The following NKAIN3 variants were observed in gnomAD, a reference collection of about 807,000 sequenced individuals.
NKAIN3 encodes sodium/potassium-transporting ATPase subunit beta-1-interacting protein 3.
Under a neutral mutation model 30.2 loss-of-function variants are expected in NKAIN3, and 25 were observed. The ratio of observed to expected loss-of-function variants is 0.83; its 90% CI spans 0.60 to 1.16. The LOEUF (loss-of-function observed/expected upper bound fraction) is 1.16. Among genes scored for constraint, NKAIN3 ranks in the 50% most tolerant of loss-of-function variants. The pLI is 0.00. For synonymous variants in NKAIN3, 91 were observed against 89.6 expected, an observed-to-expected ratio of 1.02 and a Z score of -0.09; for missense variants, 225 against 254.1, an observed-to-expected ratio of 0.89 and a Z score of 0.78.
At chr8:62,295,841 C>T (rs1297979977) in intron 1 of NKAIN3, among the ~76,000 whole-genome samples, 1 of 152,112 alleles carries the variant, frequency 6.6e-6, no homozygotes, top group Non-Finnish European at 1.5e-5. Context: ...TGAGAAGCTA[C>T]TTTAGACCAG....
intron 1 of NKAIN3, among the ~76,000 whole-genome samples, chr8:62,298,713 A>G (rs1813929082): frequency 6.6e-6 from 1 of 152,158 alleles, no homozygotes; most frequent in African/African-American, 2.4e-5. Flanking sequence ...CTTTTTAAAA[A>G]GAATCTTTCC....
rs143611739 is a variant in NKAIN3 at position 62,765,333 on chromosome 8, T to A, written c.471+18204T>A. Among the ~76,000 whole-genome samples, 101 of 146,112 alleles carry A rather than the reference T, an allele frequency of 6.9e-4. 1 individual carries two copies. In the Middle Eastern group the frequency reaches 0.011, roughly 16 times the overall value. On this transcript the variant is annotated intron_variant, in intron 4 of 6. Transcript: ENST00000623646. ...ACTGGATGAAAAACAAATACGGAAA[T>A]CAGAGCATGAGTGTGCAAATCATAG...
chr8:62,948,305 T>C (rs556195222), intron 5 of NKAIN3, among the ~76,000 whole-genome samples: 1 of 152,100 alleles, frequency 6.6e-6, no homozygotes, highest in Non-Finnish European at 1.5e-5. Context: ...GTTCAAGCAA[T>C]TTTCCTGCCT....
chr8:62,835,277 T>C (rs935704635), intron 4 of NKAIN3, among the ~76,000 whole-genome samples: 1 of 152,086 alleles, frequency 6.6e-6, no homozygotes, highest in African/African-American at 2.4e-5. Context: ...AATTTATGAC[T>C]AAGTCCTCGA....
intron 1 of NKAIN3, among the ~76,000 whole-genome samples, chr8:62,542,248 G>A (rs1272153458): frequency 6.6e-6 from 1 of 152,038 alleles, no homozygotes; most frequent in Admixed American, 6.6e-5. Flanking sequence ...AATTAGCTTT[G>A]GTTGCCTACT....
At chr8:62,583,531 T>C (rs1161663671) in intron 2 of NKAIN3, among the ~76,000 whole-genome samples, 1 of 152,182 alleles carries the variant, frequency 6.6e-6, no homozygotes, top group Non-Finnish European at 1.5e-5. Context: ...ATAAATATCC[T>C]ACAGGGCATG....
At chr8:62,458,914 CT>C (rs1179844836) in intron 1 of NKAIN3, among the ~76,000 whole-genome samples, 2 of 152,144 alleles carry the variant, frequency 1.3e-5, no homozygotes, top group African/African-American at 4.8e-5. Flanking sequence ...AATCGAAATT[CT>C]TTAGAATTCT....
intron 1 of NKAIN3, among the ~76,000 whole-genome samples, chr8:62,278,527 A>G (rs1813044774): frequency 6.7e-6 from 1 of 149,864 alleles, no homozygotes; most frequent in Non-Finnish European, 1.5e-5. Context: ...ATCCCTCCCC[A>G]CTCCCCCGAC....
rs1420963757 is a variant in NKAIN3 at position 62,974,710 on chromosome 8, T to C, written c.*9303T>C. 5.3e-5 allele frequency among the ~76,000 whole-genome samples: 8 copies of C among 152,102 alleles called. No homozygotes were observed. The highest frequency in any genetic ancestry group is 1.7e-4 in the African/African-American group (7 of 41,410). On this transcript the variant is annotated 3_prime_UTR_variant, in exon 7 of 7. Transcript: ENST00000623646. ...CTTCTAATACTGTGTTGAATAGGAG[T>C]GGTGAGACAAGCCACCCTTGTCTTG... is the stretch of plus-strand genomic sequence containing the variant.
chr8:62,814,328 T>A (rs1046615691), intron 4 of NKAIN3, among the ~76,000 whole-genome samples: 2 of 151,188 alleles, frequency 1.3e-5, no homozygotes, highest in Admixed American at 1.3e-4. Context: ...TTTTTTTTCA[T>A]TCTTTTAATG....
chr8:62,251,474 A>T (rs898260348), intron 1 of NKAIN3, among the ~76,000 whole-genome samples: 1 of 152,138 alleles, frequency 6.6e-6, no homozygotes, highest in African/African-American at 2.4e-5. Context: ...TATAAATCTG[A>T]CATGAATGCT....
chr8:62,502,461 G>C (rs1202675050), intron 1 of NKAIN3, among the ~76,000 whole-genome samples: 1 of 151,954 alleles, frequency 6.6e-6, no homozygotes, highest in Non-Finnish European at 1.5e-5. Flanking sequence ...TAATTTTCCA[G>C]AGTTAACCAT....
intron 3 of NKAIN3, among the ~76,000 whole-genome samples, chr8:62,724,986 G>T (rs1373499653): frequency 1.3e-5 from 2 of 151,548 alleles, no homozygotes; most frequent in Non-Finnish European, 2.9e-5. Context: ...GTGATAATTT[G>T]CATTTCCACC....
chr8:62,714,791 C>T (rs1814837593), intron 3 of NKAIN3, among the ~76,000 whole-genome samples: 1 of 152,208 alleles, frequency 6.6e-6, no homozygotes, highest in Non-Finnish European at 1.5e-5. Context: ...CAAGCACCTG[C>T]ATTCACAGCT....
intron 3 of NKAIN3, among the ~76,000 whole-genome samples, chr8:62,646,763 A>G (rs758340635): frequency 1.3e-4 from 20 of 152,200 alleles, no homozygotes; most frequent in Non-Finnish European, 2.6e-4. Flanking sequence ...GAAACCATGC[A>G]TATAACATGT....
chr8:62,456,225 TAAGAA>T (rs1805812559), intron 1 of NKAIN3, among the ~76,000 whole-genome samples: 1 of 152,092 alleles, frequency 6.6e-6, no homozygotes, highest in Non-Finnish European at 1.5e-5. Context: ...CTAGAAGTCT[TAAGAA>T]AAGGAAACCA....
intron 3 of NKAIN3, among the ~76,000 whole-genome samples, chr8:62,620,250 C>A (rs1457450843): frequency 6.6e-6 from 1 of 152,076 alleles, no homozygotes; most frequent in Admixed American, 6.6e-5. Context: ...ATGCTTCTTT[C>A]CTCCAGGTAT....
In NKAIN3 at chr8:62,907,199, G is replaced by T. The variant is rs540735384; in HGVS notation, c.472-11254G>T. On this transcript the variant is annotated intron_variant, in intron 4 of 6. Transcript: ENST00000623646. ...TCTGTAGATCTTTGAACTTGAGAGA[G>T]ATAATTTAGGGTATCAGACGGAAGA... Among the ~76,000 whole-genome samples, 441 of 152,240 alleles carry T rather than the reference G, an allele frequency of 2.9e-3. 5 individuals carry two copies. Among genetic ancestry groups the T allele is most frequent in the Middle Eastern group, 6.8e-3 (2 of 294 alleles).
intron 1 of NKAIN3, among the ~76,000 whole-genome samples, chr8:62,520,097 G>C (rs1249995182): frequency 6.6e-6 from 1 of 152,056 alleles, no homozygotes; most frequent in Non-Finnish European, 1.5e-5. Context: ...GTATACATTA[G>C]ATGTATGTCA....
Sources: gnomAD v4.1 joint callset for allele counts (sites outside exome capture counted in the v4.1 genomes callset) on GRCh38, gnomAD v4.1.1 for gene constraint, MANE v1.5 for transcripts, NCBI Gene and HGNC (gene_info 2026-07-23, HGNC 2026-07-21) for gene names.